ARL15: variants seen among roughly 807,000 people sequenced by gnomAD.
ARL15 encodes the protein ADP-ribosylation factor-like protein 15.
Under a neutral mutation model 25.2 loss-of-function variants are expected in ARL15, and 19 were observed. The ratio of observed to expected loss-of-function variants is 0.75; its 90% CI spans 0.53 to 1.10. The LOEUF (loss-of-function observed/expected upper bound fraction) is 1.10, where lower values mean the gene tolerates loss of function less well. Ranked by LOEUF, ARL15 falls within the 50% of genes least tolerant of loss-of-function variation. ARL15 has a pLI of 0.00. For synonymous variants in ARL15, 94 were observed against 86.8 expected (o/e 1.08, Z -0.46); for missense variants, 220 against 246.0 (o/e 0.89, Z 0.71).
chr5:54,114,416 A>AAAAAAAAAAAAAAAAAAAAAC (rs1752835714), intron 3 of ARL15, among the ~76,000 whole-genome samples: 1 of 149,524 alleles, frequency 6.7e-6, no homozygotes, highest in Non-Finnish European at 1.5e-5. Flanking sequence ...GAAAAAAAAA[A>AAAAAAAAAAAAAAAAAAAAAC]AAAAAAGCAA....
At chr5:53,928,515 C>T (rs1177317235) in intron 4 of ARL15, among the ~76,000 whole-genome samples, 7 of 152,046 alleles carry the variant, frequency 4.6e-5, no homozygotes, top group South Asian at 2.1e-4. Flanking sequence ...TTTATAAGTG[C>T]GAGGCATAAA....
intron 4 of ARL15, among the ~76,000 whole-genome samples, chr5:53,934,870 T>C (rs1746305860): frequency 6.6e-6 from 1 of 152,204 alleles, no homozygotes. Context: ...TCAAATTCAA[T>C]ATTCAAGCTG....
chr5:53,982,206 A>G (rs1185340564), intron 4 of ARL15, among the ~76,000 whole-genome samples: 1 of 149,604 alleles, frequency 6.7e-6, no homozygotes, highest in Non-Finnish European at 1.5e-5. Flanking sequence ...TTATACTTTA[A>G]GTTCTGGGAT....
chr5:54,171,323 G>A (rs1299068101), intron 2 of ARL15, among the ~76,000 whole-genome samples: 1 of 152,146 alleles, frequency 6.6e-6, no homozygotes, highest in African/African-American at 2.4e-5. Flanking sequence ...AAGCAATAGG[G>A]GAAGGCTGAT....
chr5:54,063,999 T>C (rs1362474034), intron 4 of ARL15, among the ~76,000 whole-genome samples: 4 of 152,180 alleles, frequency 2.6e-5, no homozygotes, highest in African/African-American at 4.8e-5. Context: ...CACAGGGTCA[T>C]AGAAAAGTTG....
intron 4 of ARL15, among the ~76,000 whole-genome samples, chr5:54,008,261 G>T (rs1749111983): frequency 6.6e-6 from 1 of 152,156 alleles, no homozygotes; most frequent in Non-Finnish European, 1.5e-5. Context: ...CTAGGGAAAA[G>T]AAGGTGTGTC....
chr5:53,979,324 G>A (rs544756533), intron 4 of ARL15, among the ~76,000 whole-genome samples: 2 of 152,186 alleles, frequency 1.3e-5, no homozygotes, highest in Non-Finnish European at 2.9e-5. Context: ...CTTGAGCTCA[G>A]GAGTTTGAGA....
At chr5:54,198,572 A>G (rs1249008416) in intron 1 of ARL15, among the ~76,000 whole-genome samples, 1 of 147,952 alleles carries the variant, frequency 6.8e-6, no homozygotes, top group Non-Finnish European at 1.5e-5. Flanking sequence ...TAAAATACCT[A>G]GGAATCCACC....
At chr5:54,034,206 C>T (rs1469799808) in intron 4 of ARL15, among the ~76,000 whole-genome samples, 8 of 152,170 alleles carry the variant, frequency 5.3e-5, no homozygotes, top group Non-Finnish European at 8.8e-5. Flanking sequence ...AGCATTAAGA[C>T]GTTCCCATTG....
chr5:53,896,426 T>A (rs1744876508), intron 4 of ARL15, among the ~76,000 whole-genome samples: 1 of 152,126 alleles, frequency 6.6e-6, no homozygotes, highest in South Asian at 2.1e-4. Context: ...ATGAAAGGGG[T>A]TATAATTCCA....
At chr5:53,981,301 G>A (rs1034204313) in intron 4 of ARL15, among the ~76,000 whole-genome samples, 2 of 152,230 alleles carry the variant, frequency 1.3e-5, no homozygotes, top group African/African-American at 4.8e-5. Context: ...ATTAATTATT[G>A]CCTTAGGACA....
chr5:54,244,167 A>G (rs955057208), intron 1 of ARL15, among the ~76,000 whole-genome samples: 1 of 152,228 alleles, frequency 6.6e-6, no homozygotes, highest in African/African-American at 2.4e-5. Flanking sequence ...CTATAAGTGA[A>G]AATTCTAGAT....
chr5:54,134,131 T>C (rs574655321), intron 3 of ARL15, among the ~76,000 whole-genome samples: 2 of 152,328 alleles, frequency 1.3e-5, no homozygotes, highest in South Asian at 2.1e-4. Flanking sequence ...TGATTGGTGA[T>C]AGGCAAATAT....
At chr5:53,998,381 T>G (rs1223322460) in intron 4 of ARL15, among the ~76,000 whole-genome samples, 3 of 152,084 alleles carry the variant, frequency 2.0e-5, no homozygotes, top group African/African-American at 7.2e-5. Context: ...GTTTCTCCCC[T>G]TTTATCTTTC....
chr5:54,018,130 C>T (rs919572131), intron 4 of ARL15, among the ~76,000 whole-genome samples: 56 of 152,108 alleles, frequency 3.7e-4, no homozygotes, highest in African/African-American at 1.3e-3. Context: ...CCAACTGTAC[C>T]GCCAAGTTTA....
chr5:54,210,676 T>G (rs1451954742), intron 1 of ARL15, among the ~76,000 whole-genome samples: 1 of 152,212 alleles, frequency 6.6e-6, no homozygotes, highest in Non-Finnish European at 1.5e-5. Context: ...AAGGAAGTTT[T>G]GTTGCAGTTG....
intron 4 of ARL15, among the ~76,000 whole-genome samples, chr5:54,011,420 T>TTTG (rs535117135): frequency 8.5e-5 from 13 of 152,308 alleles, no homozygotes; most frequent in East Asian, 5.8e-4. Flanking sequence ...AGGTTGGTTT[T>TTTG]TTGTTGTTGT....
chr5:53,937,482 C>T (rs928964555), intron 4 of ARL15, among the ~76,000 whole-genome samples: 1 of 152,164 alleles, frequency 6.6e-6, no homozygotes, highest in Non-Finnish European at 1.5e-5. Context: ...TGTAGCATAA[C>T]AACATTTCAG....
At chr5:54,204,325 C>T (rs1755803536) in intron 1 of ARL15, among the ~76,000 whole-genome samples, 2 of 152,234 alleles carry the variant, frequency 1.3e-5, no homozygotes, top group Admixed American at 6.5e-5. Flanking sequence ...GCTGTAATTC[C>T]CACAGGAGAC....
Sources: allele counts gnomAD v4.1 joint callset (sites outside exome capture counted in the v4.1 genomes callset), GRCh38; gene constraint gnomAD v4.1.1; transcripts MANE v1.5; gene names NCBI Gene and HGNC (gene_info 2026-07-23, HGNC 2026-07-21).